Variants in C1QTNF2 observed in about 807,000 individuals in gnomAD.
C1QTNF2 encodes complement C1q tumor necrosis factor-related protein 2.
A neutral mutation model predicts 17.4 loss-of-function variants in C1QTNF2; 15 were observed. The ratio of observed to expected loss-of-function variants is 0.86; its 90% CI spans 0.58 to 1.33. The LOEUF (loss-of-function observed/expected upper bound fraction) is 1.33, where lower values mean the gene tolerates loss of function less well. Ranked by LOEUF, C1QTNF2 falls within the 40% of genes most tolerant of loss-of-function variation. C1QTNF2 has a pLI of 0.00. For synonymous variants in C1QTNF2, 154 were observed against 163.3 expected, an observed-to-expected ratio of 0.94 and a Z score of 0.44; for missense variants, 381 against 392.3, an observed-to-expected ratio of 0.97 and a Z score of 0.24.
chr5:160,368,972 T>G (rs1331976521), intron 1 of C1QTNF2, among the ~76,000 whole-genome samples: 1 of 151,796 alleles, frequency 6.6e-6, no homozygotes, highest in Non-Finnish European at 1.5e-5. Flanking sequence ...AGCCTGTATA[T>G]GCAGATATGA....
At chr5:160,357,657 C>T (rs1007459978) in intron 1 of C1QTNF2, among the ~76,000 whole-genome samples, 27 of 152,162 alleles carry the variant, frequency 1.8e-4, no homozygotes, top group African/African-American at 5.8e-4. Flanking sequence ...CAGTCTACAA[C>T]CATTTTGCAG....
intron 2 of C1QTNF2, among the ~76,000 whole-genome samples, 173 bp downstream of exon 2, chr5:160,354,595 A>ATATATATAT (rs1393405391): frequency 6.1e-5 from 2 of 32,738 alleles, no homozygotes; most frequent in African/African-American, 2.2e-4. Flanking sequence ...AAAAAAAAAA[A>ATATATATAT]AAGTATATAT....
chr5:160,356,647 C>T (rs1298253019), intron 1 of C1QTNF2, among the ~76,000 whole-genome samples: 1 of 152,178 alleles, frequency 6.6e-6, no homozygotes, highest in Non-Finnish European at 1.5e-5. Flanking sequence ...CCTCACTCAG[C>T]CTGTGGCTAT....
chr5:160,352,226 G>C (rs1416891882), intron 2 of C1QTNF2, among the ~76,000 whole-genome samples: 1 of 152,120 alleles, frequency 6.6e-6, no homozygotes, highest in African/African-American at 2.4e-5. Flanking sequence ...TTTTGACTTG[G>C]GGTTTTTGGC....
chr5:160,354,597 A>AAT (rs769774870), intron 2 of C1QTNF2, among the ~76,000 whole-genome samples, 171 bp downstream of exon 2: 11 of 89,306 alleles, frequency 1.2e-4, no homozygotes, highest in South Asian at 4.4e-4. Context: ...AAAAAAAAAA[A>AAT]GTATATATAT....
chr5:160,354,187 A>G (rs1763981616), intron 2 of C1QTNF2, among the ~76,000 whole-genome samples: 1 of 152,204 alleles, frequency 6.6e-6, no homozygotes, highest in Non-Finnish European at 1.5e-5. Context: ...AAGAGTTCTC[A>G]GTAATATTTT....
intron 1 of C1QTNF2, among the ~76,000 whole-genome samples, chr5:160,359,696 A>T (rs1327172564): frequency 1.3e-5 from 2 of 152,210 alleles, no homozygotes; most frequent in South Asian, 4.1e-4. Flanking sequence ...AGGTGATGAG[A>T]GGCGTGGAGG....
At chr5:160,353,495 C>T (rs753278960) in intron 2 of C1QTNF2, among the ~76,000 whole-genome samples, 21 of 152,156 alleles carry the variant, frequency 1.4e-4, no homozygotes, top group Non-Finnish European at 2.5e-4. Flanking sequence ...CCACCACCCA[C>T]TCACACACAC....
Position 160,349,726 on chromosome 5 carries a change from C to T in C1QTNF2, c.300G>A (p.Gly100=), listed in dbSNP as rs774189446. 12 of 1,554,946 alleles carry T rather than the reference C, an allele frequency of 7.7e-6. No individual in the cohort carries two copies. Among genetic ancestry groups the T allele is most frequent in the South Asian group, 1.2e-5 (1 of 81,328 alleles). Residue 100 remains glycine (G), a synonymous_variant, in exon 3 of 3, where the codon GGG becomes GGA. Transcript: ENST00000652664. The surrounding 1 kb of genome is among the most constrained non-coding windows in gnomAD (Gnocchi z 4.3). ...CACGGGGGCCAGCCCGCCCAATGGC[C>T]CCGGCTTTGCCCTTTGGTCCTGGCT... ...RGKPGPKGKA[G]AIGRAGPRGP... is the part of the protein sequence containing the mutation.
chr5:160,351,455 T>C (rs1291573876), intron 2 of C1QTNF2, among the ~76,000 whole-genome samples: 1 of 152,270 alleles, frequency 6.6e-6, no homozygotes, highest in African/African-American at 2.4e-5. Flanking sequence ...CACTGTGTTT[T>C]AGAGTTTTGA....
At chr5:160,359,269 TC>T (rs1289728008) in intron 1 of C1QTNF2, among the ~76,000 whole-genome samples, 1 of 152,024 alleles carries the variant, frequency 6.6e-6, no homozygotes, top group Admixed American at 6.6e-5. Flanking sequence ...CTATGCTTAA[TC>T]CATGCCACCT....
intron 1 of C1QTNF2, among the ~76,000 whole-genome samples, chr5:160,356,642 C>T (rs1764056916): frequency 1.3e-5 from 2 of 152,342 alleles, no homozygotes; most frequent in South Asian, 4.1e-4. Context: ...GTAGTCCTCA[C>T]TCAGCCTGTG....
At chr5:160,357,103 G>A (rs775874077) in intron 1 of C1QTNF2, among the ~76,000 whole-genome samples, 13 of 152,240 alleles carry the variant, frequency 8.5e-5, no homozygotes, top group Admixed American at 3.9e-4. Flanking sequence ...CGCCCCAGTC[G>A]TGAAACATCT....
intron 2 of C1QTNF2, among the ~76,000 whole-genome samples, chr5:160,353,028 A>G (rs1763955279): frequency 6.6e-6 from 1 of 152,142 alleles, no homozygotes; most frequent in South Asian, 2.1e-4. Context: ...TGGTTTGGAG[A>G]GAAGTTAAGT....
At chr5:160,367,515 A>C (rs959418520) in intron 1 of C1QTNF2, among the ~76,000 whole-genome samples, 1 of 152,204 alleles carries the variant, frequency 6.6e-6, no homozygotes, top group African/African-American at 2.4e-5. Context: ...TCGTTACATT[A>C]AGAGGAGATC....
At position 160,349,066 on chromosome 5, in the gene C1QTNF2, C is replaced by T. The variant is rs1342603294; in HGVS notation, c.*102G>A. 7.0e-6 allele frequency: 10 copies of T among 1,424,980 alleles called. No individual in the cohort carries two copies. The highest frequency in any genetic ancestry group is 2.8e-5 in the South Asian group (2 of 72,376). The allele number at this position is 1,424,980 out of a possible 1,614,324, so 88.3% of individuals were successfully genotyped here. On this transcript the variant is annotated 3_prime_UTR_variant, in exon 3 of 3. Transcript: ENST00000652664. The surrounding 1 kb of genome is among the most constrained non-coding windows in gnomAD (Gnocchi z 4.3). The stretch of plus-strand genomic sequence containing the variant: ...GAGGAGGTGAGCCTGAGGCTAGAAC[C>T]GCTCACTCGACCCCCCACCCCCAGC...
At chr5:160,368,733 A>C (rs1293402992) in intron 1 of C1QTNF2, among the ~76,000 whole-genome samples, 1 of 152,110 alleles carries the variant, frequency 6.6e-6, no homozygotes, top group African/African-American at 2.4e-5. Context: ...AGCATCAGTG[A>C]TTGAGACAGC....
At chr5:160,367,107 C>T (rs909905709) in intron 1 of C1QTNF2, among the ~76,000 whole-genome samples, 2 of 152,078 alleles carry the variant, frequency 1.3e-5, no homozygotes, top group African/African-American at 4.8e-5. Context: ...ATGCCCCTGC[C>T]ACTGAGGAAA....
intron 1 of C1QTNF2, among the ~76,000 whole-genome samples, 192 bp downstream of exon 1, chr5:160,370,320 T>C (rs984857697): frequency 2.6e-5 from 4 of 152,288 alleles, no homozygotes; most frequent in Non-Finnish European, 4.4e-5. Context: ...TCAAAACATG[T>C]TAATTTGTAT....
Sources: allele counts gnomAD v4.1 joint callset (sites outside exome capture counted in the v4.1 genomes callset), GRCh38; gene constraint gnomAD v4.1.1; non-coding constraint Gnocchi (gnomAD v3.1); transcripts MANE v1.5; gene names NCBI Gene and HGNC (gene_info 2026-07-23, HGNC 2026-07-21).